Variants in JAZF1 observed in about 807,000 individuals in gnomAD.
The protein encoded by JAZF1 is JAZF zinc finger 1.
In JAZF1, 8 loss-of-function variants were observed where a neutral mutation model predicts 26.4. The ratio of observed to expected loss-of-function variants is 0.30; its 90% CI spans 0.18 to 0.55. The LOEUF (loss-of-function observed/expected upper bound fraction) is 0.55. Ranked by LOEUF, JAZF1 falls within the 20% of genes least tolerant of loss-of-function variation. The pLI is 0.94. For synonymous variants in JAZF1, 126 were observed against 122.3 expected, an observed-to-expected ratio of 1.03 and a Z score of -0.20; for missense variants, 199 against 322.0, an observed-to-expected ratio of 0.62 and a Z score of 2.92.
intron 1 of JAZF1, among the ~76,000 whole-genome samples, chr7:28,137,083 C>G (rs764838481): frequency 6.6e-6 from 1 of 152,176 alleles, no homozygotes; most frequent in East Asian, 1.9e-4. Flanking sequence ...AGCTGGGGCA[C>G]TGGAAAGCAG....
intron 2 of JAZF1, among the ~76,000 whole-genome samples, chr7:27,959,983 A>G (rs1324427037): frequency 6.6e-6 from 1 of 152,146 alleles, no homozygotes; most frequent in Non-Finnish European, 1.5e-5. Flanking sequence ...TTCACAGATG[A>G]TAAGGACAGA....
At chr7:28,131,970 A>C (rs2127942115) in intron 1 of JAZF1, among the ~76,000 whole-genome samples, 1 of 152,338 alleles carries the variant, frequency 6.6e-6, no homozygotes, top group East Asian at 1.9e-4. Context: ...TATGGGGCAA[A>C]GACTGACCAC....
chr7:28,116,212 T>A (rs1016663268), intron 1 of JAZF1, among the ~76,000 whole-genome samples: 1 of 152,174 alleles, frequency 6.6e-6, no homozygotes, highest in Non-Finnish European at 1.5e-5. Context: ...GTAATCTCGA[T>A]AGATGAAAAC....
chr7:27,850,845 G>A (rs1229861874), intron 3 of JAZF1, among the ~76,000 whole-genome samples: 1 of 142,984 alleles, frequency 7.0e-6, no homozygotes, highest in African/African-American at 2.6e-5. Context: ...AGAACTATTT[G>A]TACTTGGTTT....
At chr7:27,882,946 C>T (rs190263762) in intron 3 of JAZF1, among the ~76,000 whole-genome samples, 31 of 152,224 alleles carry the variant, frequency 2.0e-4, no homozygotes, top group East Asian at 1.2e-3. Flanking sequence ...ATGGCAGTCT[C>T]GGGCGTCTGT....
chr7:28,011,724 T>G (rs1782803179), intron 1 of JAZF1, among the ~76,000 whole-genome samples: 1 of 152,174 alleles, frequency 6.6e-6, no homozygotes, highest in Non-Finnish European at 1.5e-5. Context: ...TAAAAGATAC[T>G]TCAATCCCAA....
At chr7:28,140,615 T>A (rs1782947725) in intron 1 of JAZF1, among the ~76,000 whole-genome samples, 1 of 152,088 alleles carries the variant, frequency 6.6e-6, no homozygotes, top group African/African-American at 2.4e-5. Flanking sequence ...GAGATTTTAC[T>A]GTCCGGTCCC....
At chr7:28,110,683 T>G (rs1784648065) in intron 1 of JAZF1, among the ~76,000 whole-genome samples, 1 of 151,684 alleles carries the variant, frequency 6.6e-6, no homozygotes, top group Non-Finnish European at 1.5e-5. Context: ...TAAAAACAAA[T>G]AAGCAAAAAA....
intron 3 of JAZF1, among the ~76,000 whole-genome samples, chr7:27,881,573 G>A (rs1004147453): frequency 1.3e-5 from 2 of 152,094 alleles, no homozygotes; most frequent in African/African-American, 4.8e-5. Context: ...AGAACTTGGT[G>A]GAATATTAGA....
chr7:27,981,322 G>C (rs1459008680), intron 2 of JAZF1, among the ~76,000 whole-genome samples: 3 of 152,148 alleles, frequency 2.0e-5, no homozygotes, highest in Admixed American at 6.5e-5. Context: ...AGAAAATCCA[G>C]AAGGTAGAAA....
intron 3 of JAZF1, among the ~76,000 whole-genome samples, chr7:27,881,492 A>G (rs1783770848): frequency 6.6e-6 from 1 of 152,176 alleles, no homozygotes; most frequent in Non-Finnish European, 1.5e-5. Context: ...CATTCATAGC[A>G]TCTAAGTGCT....
chr7:28,124,776 A>T (rs899148761), intron 1 of JAZF1, among the ~76,000 whole-genome samples: 1 of 152,234 alleles, frequency 6.6e-6, no homozygotes, highest in Non-Finnish European at 1.5e-5. Flanking sequence ...AACAGATGTG[A>T]ATAGGAACTA....
chr7:27,889,932 CA>C (rs5883106), intron 3 of JAZF1, among the ~76,000 whole-genome samples: 64,156 of 144,944 alleles, frequency 0.44, 14,250 homozygotes, highest in African/African-American at 0.52. Flanking sequence ...GACTTTCTCT[CA>C]AAAAAAAAAA....
intron 2 of JAZF1, among the ~76,000 whole-genome samples, chr7:27,919,951 C>T (rs1175026790): frequency 6.6e-6 from 1 of 152,148 alleles, no homozygotes; most frequent in South Asian, 2.1e-4. Flanking sequence ...ACTGCTTGCA[C>T]CTTGGAATCC....
intron 2 of JAZF1, 31 bp downstream of exon 2, chr7:27,991,878 G>A (rs748562648): frequency 1.7e-6 from 2 of 1,158,032 alleles, no homozygotes; most frequent in South Asian, 2.6e-5. Flanking sequence ...CAGATATAAG[G>A]TTGTTATAAT....
At chr7:27,914,855 C>T (rs533335137) in intron 2 of JAZF1, 120 of 471,070 alleles carry the variant, frequency 2.5e-4, no homozygotes, top group African/African-American at 2.4e-3. Flanking sequence ...CACTGGGCTC[C>T]TCTGTTCTAG....
chr7:27,839,743 A>C (rs1199271300), intron 4 of JAZF1, among the ~76,000 whole-genome samples: 2 of 152,228 alleles, frequency 1.3e-5, no homozygotes, highest in Non-Finnish European at 2.9e-5. Context: ...TTTTATATCA[A>C]TAGCTGCTAT....
At chr7:27,855,012 T>C (rs1390091541) in intron 3 of JAZF1, among the ~76,000 whole-genome samples, 1 of 152,152 alleles carries the variant, frequency 6.6e-6, no homozygotes. Context: ...CAAACATAGG[T>C]TCGGTCATTT....
chr7:28,111,654 A>C (rs949083590), intron 1 of JAZF1, among the ~76,000 whole-genome samples: 2 of 152,248 alleles, frequency 1.3e-5, no homozygotes. Context: ...GATGAATCAA[A>C]AAGTGCTCTG....
Sources: gnomAD v4.1 joint callset for allele counts (sites outside exome capture counted in the v4.1 genomes callset) on GRCh38, gnomAD v4.1.1 for gene constraint, MANE v1.5 for transcripts, NCBI Gene and HGNC (gene_info 2026-07-23, HGNC 2026-07-21) for gene names.